CAST: variants seen among roughly 807,000 people sequenced by gnomAD.
CAST encodes the protein calpastatin.
A neutral mutation model predicts 119.6 loss-of-function variants in CAST; 76 were observed. That is an observed-to-expected ratio of 0.64 (90% CI 0.53 to 0.77). The LOEUF is 0.77. Ranked by LOEUF, CAST falls within the 30% of genes least tolerant of loss-of-function variation. CAST has a pLI of 0.00. For synonymous variants in CAST, 319 were observed against 331.6 expected (o/e 0.96, Z 0.41); for missense variants, 953 against 946.5 (o/e 1.01, Z -0.09).
At chr5:96,771,090 C>T (rs1317183115) in intron 30 of CAST, among the ~76,000 whole-genome samples, 2 of 152,160 alleles carry the variant, frequency 1.3e-5, no homozygotes, top group African/African-American at 2.4e-5. Flanking sequence ...AGTCCAGTTA[C>T]ACCAAAGCTT....
At chr5:96,294,654 CA>C in the CAST span, among the ~76,000 whole-genome samples, 32 of 152,254 alleles carry the variant, frequency 2.1e-4, no homozygotes, top group African/African-American at 7.7e-4. Flanking sequence ...TGCAAGTGTC[CA>C]AACCTAAGTG....
chr5:96,501,487 C>T, the CAST span, among the ~76,000 whole-genome samples: 1 of 152,120 alleles, frequency 6.6e-6, no homozygotes. Flanking sequence ...AAATGGTAAC[C>T]ATGCAATCAT....
At position 96,534,762 on chromosome 5, in the gene CAST, A is replaced by C. The variant is rs1222290471; in HGVS notation, c.60+4882A>C. ...GAGAGAAAGAAAGAAAGAAAGAAAG[A>C]AAGAAAGAAAGAAAGAAAGAAAGAA... On this transcript the variant is annotated intron_variant, in intron 1 of 11. Transcript: ENST00000505143. Among the ~76,000 whole-genome samples, 2 of 116,912 alleles carry C rather than the reference A, an allele frequency of 1.7e-5. 1 individual carries two copies. The highest frequency in any genetic ancestry group is 3.6e-5 in the Non-Finnish European group (2 of 55,396). 76.7% of individuals were successfully genotyped at this position (116,912 alleles called of 152,430 possible). A position where few individuals can be genotyped will look rare whatever the true frequency, so the allele number is the denominator to read the frequency against.
chr5:96,520,966 A>T (rs546769731), upstream of CAST, among the ~76,000 whole-genome samples: 1 of 152,312 alleles, frequency 6.6e-6, no homozygotes, highest in East Asian at 1.9e-4. Flanking sequence ...ATTGTAGTAG[A>T]AAACACCAAT....
chr5:96,768,082 T>C (rs1770687360), intron 29 of CAST, 83 bp downstream of exon 29: 1 of 915,392 alleles, frequency 1.1e-6, no homozygotes, highest in Non-Finnish European at 1.8e-6. Flanking sequence ...TATTGATTGA[T>C]CTATCTATCG....
chr5:96,188,983 A>G, the CAST span, among the ~76,000 whole-genome samples: 1 of 152,154 alleles, frequency 6.6e-6, no homozygotes, highest in East Asian at 1.9e-4. Flanking sequence ...TGGTTGAGAG[A>G]AGAAACATAG....
chr5:96,139,394 T>TA, the CAST span, among the ~76,000 whole-genome samples: 1 of 151,614 alleles, frequency 6.6e-6, no homozygotes, highest in East Asian at 1.9e-4. Flanking sequence ...GATCTCCACT[T>TA]ACTAGTTACC....
chr5:96,628,481 G>A (rs1240422810), intron 1 of CAST, among the ~76,000 whole-genome samples: 1 of 152,188 alleles, frequency 6.6e-6, no homozygotes, highest in East Asian at 1.9e-4. Flanking sequence ...TTAAAAATAG[G>A]AGAAAATTTA....
At chr5:96,420,787 AAGAG>A in the CAST span, among the ~76,000 whole-genome samples, 138 of 143,440 alleles carry the variant, frequency 9.6e-4, 2 homozygotes, top group African/African-American at 2.7e-3. Flanking sequence ...GAGAGAGAGA[AAGAG>A]AGAGAGAGAG....
intron 1 of CAST, among the ~76,000 whole-genome samples, chr5:96,615,374 C>T (rs989208141): frequency 8.5e-5 from 13 of 152,236 alleles, no homozygotes; most frequent in African/African-American, 2.7e-4. Flanking sequence ...TCCTCCTCTC[C>T]CCTTACTCTG....
At chr5:95,971,003 A>T in the CAST span, among the ~76,000 whole-genome samples, 2 of 152,186 alleles carry the variant, frequency 1.3e-5, no homozygotes, top group African/African-American at 4.8e-5. Context: ...AACAGTTCAT[A>T]ATGTTGATGA....
the CAST span, among the ~76,000 whole-genome samples, chr5:96,107,153 C>G: frequency 2.0e-5 from 3 of 151,628 alleles, no homozygotes; most frequent in Non-Finnish European, 2.9e-5. Flanking sequence ...ATACAGCACA[C>G]TGATGGGTCT....
chr5:96,332,949 C>A, the CAST span, among the ~76,000 whole-genome samples: 72 of 152,272 alleles, frequency 4.7e-4, no homozygotes, highest in African/African-American at 1.7e-3. Flanking sequence ...TCCTTTTGGC[C>A]ACTATCGCTC....
At chr5:96,169,247 G>A in the CAST span, among the ~76,000 whole-genome samples, 6 of 152,198 alleles carry the variant, frequency 3.9e-5, no homozygotes, top group Non-Finnish European at 7.3e-5. Flanking sequence ...GGGGCTGTCT[G>A]TGAAGCCTTG....
the CAST span, among the ~76,000 whole-genome samples, chr5:96,217,863 T>G: frequency 6.6e-6 from 1 of 152,220 alleles, no homozygotes; most frequent in Non-Finnish European, 1.5e-5. Context: ...CTGTGAATGT[T>G]CTTTCCTGAG....
the CAST span, among the ~76,000 whole-genome samples, chr5:96,294,298 G>A: frequency 1.3e-5 from 2 of 152,172 alleles, no homozygotes; most frequent in African/African-American, 2.4e-5. Context: ...AAGAAAATAT[G>A]TGGAAGAAAA....
At position 96,730,780 on chromosome 5, in the gene CAST, A is replaced by G. The variant is rs1285259672; in HGVS notation, c.550A>G (p.Thr184Ala). 5 of 1,611,282 alleles carry G rather than the reference A, an allele frequency of 3.1e-6. No individual in the cohort carries two copies. Among genetic ancestry groups the G allele is most frequent in the Admixed American group, 3.3e-5 (2 of 59,992 alleles). Residue 184 changes from threonine to alanine, a missense_variant and splice_region_variant, in exon 9 of 32, where the codon ACT becomes GCT. By Grantham distance (58) the Thr-to-Ala change is moderately conservative. Transcript: ENST00000675179. ...QPSEKSTEPKTKPQDMISAGG... is the reference protein window; with the variant it reads ...QPSEKSTEPKAKPQDMISAGG... ...CAACCTTTTATCCTCACTGTCTTAG[A>G]CTAAACCACAAGACATGATTTCTGC...
the CAST span, among the ~76,000 whole-genome samples, chr5:96,150,298 C>T: frequency 6.6e-6 from 1 of 152,162 alleles, no homozygotes; most frequent in Non-Finnish European, 1.5e-5. Flanking sequence ...CCAGTCAGAA[C>T]CCATCATCTA....
chr5:96,450,063 G>A, the CAST span, among the ~76,000 whole-genome samples: 2 of 152,156 alleles, frequency 1.3e-5, no homozygotes, highest in East Asian at 3.8e-4. Flanking sequence ...ACTACTGGGT[G>A]TCTCCCCAAA....
Sources: gnomAD v4.1 joint callset for allele counts (sites outside exome capture counted in the v4.1 genomes callset) on GRCh38, gnomAD v4.1.1 for gene constraint, MANE v1.5 for transcripts, NCBI Gene and HGNC (gene_info 2026-07-23, HGNC 2026-07-21) for gene names.